ABI2: variants seen among roughly 807,000 people sequenced by gnomAD.
ABI2 encodes the protein abl interactor 2.
ABI2 carries 25 observed loss-of-function variants against 59.2 expected under a neutral mutation model. The observed-to-expected ratio is 0.42, with a 90% CI of 0.31 to 0.59. The LOEUF is 0.59. ABI2 is among the 20% of genes least tolerant of loss of function. ABI2 has a pLI of 0.14. For synonymous variants in ABI2, 213 were observed against 235.5 expected (o/e 0.90, Z 0.87); for missense variants, 545 against 681.8 (o/e 0.80, Z 2.23).
Position 203,335,383 on chromosome 2 carries a change from A to G in ABI2, c.117+6752A>G, listed in dbSNP as rs1016223019. 4.6e-5 allele frequency among the ~76,000 whole-genome samples: 7 copies of G among 152,206 alleles called. No individual in the cohort carries two copies. The East Asian group carries it at 1.4e-3, about 29-fold the overall frequency. On this transcript the variant is annotated intron_variant, in intron 1 of 11. Coordinates refer to ENST00000261018, the MANE Select transcript of ABI2 (RefSeq NM_001375670.1). ...AACAGTCTTCACACTTCAGCTCCCA[A>G]AGTAGCTGGGACTACAGGCTTGTGC...
chr2:203,337,953 C>T (rs1233071381), intron 1 of ABI2, among the ~76,000 whole-genome samples: 2 of 152,182 alleles, frequency 1.3e-5, no homozygotes, highest in Non-Finnish European at 2.9e-5. Context: ...TCGCTTGAAC[C>T]CAGGAAGTGG....
intron 1 of ABI2, among the ~76,000 whole-genome samples, chr2:203,352,221 A>T (rs898187667): frequency 1.1e-4 from 16 of 152,180 alleles, no homozygotes; most frequent in African/African-American, 3.9e-4. Context: ...GCTTTTTGGG[A>T]GCCCGAGATG....
At chr2:203,351,652 C>T (rs1320233952) in intron 1 of ABI2, 1 of 404,306 alleles carries the variant, frequency 2.5e-6, no homozygotes, top group Non-Finnish European at 4.8e-6. Context: ...CATCCTGCCT[C>T]AGTCTCTCAG....
At chr2:203,405,592 GC>G (rs1342143355) in intron 9 of ABI2, among the ~76,000 whole-genome samples, 1 of 152,046 alleles carries the variant, frequency 6.6e-6, no homozygotes, top group Non-Finnish European at 1.5e-5. Context: ...ACTCCCAGTA[GC>G]CCTGCAATTG....
At chr2:203,395,448 T>TATATACACACACACACACACACACAC (rs750379504) in intron 6 of ABI2, among the ~76,000 whole-genome samples, 1 of 115,328 alleles carries the variant, frequency 8.7e-6, no homozygotes, top group Non-Finnish European at 1.8e-5. Flanking sequence ...TATATATATA[T>TATATACACACACACACACACACACAC]ACACACACAC....
chr2:203,421,729 G>T (rs902575254), intron 11 of ABI2, among the ~76,000 whole-genome samples: 1 of 152,036 alleles, frequency 6.6e-6, no homozygotes, highest in Admixed American at 6.6e-5. Context: ...CACTTTGGGA[G>T]GCCAAGGCCG....
At chr2:203,410,948 A>G (rs1273925236) in intron 9 of ABI2, among the ~76,000 whole-genome samples, 2 of 150,960 alleles carry the variant, frequency 1.3e-5, no homozygotes, top group African/African-American at 4.9e-5. Context: ...AAAAAAGATC[A>G]ATTATATATA....
chr2:203,416,049 T>C (rs539362580), intron 10 of ABI2, among the ~76,000 whole-genome samples: 1 of 152,338 alleles, frequency 6.6e-6, no homozygotes, highest in South Asian at 2.1e-4. Context: ...CCCAAGTTTG[T>C]TGATGATTTT....
chr2:203,361,312 T>G (rs1486374370), intron 1 of ABI2, among the ~76,000 whole-genome samples: 2 of 152,128 alleles, frequency 1.3e-5, no homozygotes, highest in Non-Finnish European at 2.9e-5. Flanking sequence ...GAAATTCTGT[T>G]ACTAGAGAAC....
rs1559289521 is a variant in ABI2, at chr2:203,384,306, T to TTTTGTTTTG, written c.480+2103_480+2104insGTTTTGTTT. Among the ~76,000 whole-genome samples, 80 of 138,448 alleles carry TTTTGTTTTG rather than the reference T, an allele frequency of 5.8e-4. 1 individual carries two copies. The highest frequency in any genetic ancestry group is 2.3e-3 in the African/African-American group (73 of 32,228). 90.8% of individuals were successfully genotyped at this position (138,448 alleles called of 152,430 possible). ...TTTGTTTTTGTTTTTTTTTTTTTTT[T>TTTTGTTTTG]TTTTTTTTTTTTTTTTTTGAGACAG... On this transcript the variant is annotated intron_variant, in intron 4 of 11. Transcript: ENST00000261018.
chr2:203,367,107 T>G lies in ABI2; in HGVS notation c.285+63T>G, dbSNP rs566241233. On this transcript the variant is annotated intron_variant, in intron 2 of 11. Coordinates refer to ENST00000261018, the MANE Select transcript of ABI2 (RefSeq NM_001375670.1). ...CCCTTAATAATAAACACAGGCTATC[T>G]GTAATGCTGGCAGCTTTTATTATGT... is the stretch of plus-strand genomic sequence containing the variant. 537 of 1,476,946 alleles carry G rather than the reference T, an allele frequency of 3.6e-4. 4 individuals carry two copies. The highest frequency in any genetic ancestry group is 3.3e-3 in the South Asian group (219 of 65,558). The allele number at this position is 1,476,946 out of a possible 1,614,324, so 91.5% of individuals were successfully genotyped here. A position where few individuals can be genotyped will look rare whatever the true frequency, so the allele number is the denominator to read the frequency against.
intron 1 of ABI2, among the ~76,000 whole-genome samples, chr2:203,341,896 T>G (rs2080144155): frequency 6.6e-6 from 1 of 152,186 alleles, no homozygotes; most frequent in Admixed American, 6.5e-5. Flanking sequence ...TTACAGTTAC[T>G]TAGTGCAGGA....
At chr2:203,386,227 A>G (rs1445413088) in intron 4 of ABI2, among the ~76,000 whole-genome samples, 2 of 151,986 alleles carry the variant, frequency 1.3e-5, no homozygotes, top group African/African-American at 4.8e-5. Context: ...CATCCTCACT[A>G]TTTCACATAC....
At chr2:203,381,704 C>G (rs1008113380) in intron 3 of ABI2, among the ~76,000 whole-genome samples, 35 of 152,292 alleles carry the variant, frequency 2.3e-4, no homozygotes, top group African/African-American at 7.9e-4. Context: ...AGGCTAACAA[C>G]TGCTAATGGA....
intron 2 of ABI2, among the ~76,000 whole-genome samples, chr2:203,374,268 G>C (rs1454857256): frequency 1.3e-5 from 2 of 151,986 alleles, no homozygotes; most frequent in African/African-American, 2.4e-5. Flanking sequence ...AGAGGCTAAG[G>C]GTGGCCGGAT....
At chr2:203,363,515 C>G (rs909941477) in intron 1 of ABI2, among the ~76,000 whole-genome samples, 3 of 151,818 alleles carry the variant, frequency 2.0e-5, no homozygotes, top group African/African-American at 7.3e-5. Context: ...CTCCTCCTGT[C>G]CTACCTCCCC....
chr2:203,365,308 T>C (rs2094255115), intron 1 of ABI2, among the ~76,000 whole-genome samples: 2 of 152,234 alleles, frequency 1.3e-5, no homozygotes, highest in Admixed American at 1.3e-4. Context: ...TACATAGCAG[T>C]AATGCATAGT....
intron 9 of ABI2, among the ~76,000 whole-genome samples, 192 bp from the exon 10 acceptor site, chr2:203,411,093 T>C (rs2097654489): frequency 6.6e-6 from 1 of 152,096 alleles, no homozygotes; most frequent in Non-Finnish European, 1.5e-5. Context: ...TTTCAAAAAC[T>C]TACTAAAAAT....
At chr2:203,398,235 G>GT in intron 8 of ABI2, among the ~76,000 whole-genome samples, 1 of 152,246 alleles carries the variant, frequency 6.6e-6, no homozygotes, top group African/African-American at 2.4e-5. Flanking sequence ...AACATGGGGT[G>GT]TTTTTTGATC....
Sources: allele counts gnomAD v4.1 joint callset (sites outside exome capture counted in the v4.1 genomes callset), GRCh38; gene constraint gnomAD v4.1.1; transcripts MANE v1.5; gene names NCBI Gene and HGNC (gene_info 2026-07-23, HGNC 2026-07-21).